The following ADCY2 variants were observed in gnomAD, a reference collection of about 807,000 sequenced individuals.
The protein encoded by ADCY2 is adenylate cyclase type 2.
ADCY2 carries 31 observed loss-of-function variants against 125.2 expected under a neutral mutation model. That is an observed-to-expected ratio of 0.25 (90% CI 0.19 to 0.33). ADCY2 has a LOEUF of 0.33. Among genes scored for constraint, ADCY2 ranks in the 10% least tolerant of loss-of-function variants. ADCY2 has a pLI of 1.00. For synonymous variants in ADCY2, 512 were observed against 548.4 expected (o/e 0.93, Z 0.93); for missense variants, 904 against 1,418.2 (o/e 0.64, Z 5.82).
intron 18 of ADCY2, among the ~76,000 whole-genome samples, chr5:7,779,379 T>C (rs952113719): frequency 3.3e-5 from 5 of 152,198 alleles, no homozygotes; most frequent in East Asian, 1.9e-4. Context: ...ATAGACTCCA[T>C]AGAATGTGCA....
intron 3 of ADCY2, among the ~76,000 whole-genome samples, chr5:7,584,903 A>G (rs1034263142): frequency 2.0e-5 from 3 of 152,216 alleles, no homozygotes; most frequent in Non-Finnish European, 4.4e-5. Flanking sequence ...TACCTTCACT[A>G]TTGAAAGTGA....
intron 3 of ADCY2, among the ~76,000 whole-genome samples, chr5:7,625,540 T>C (rs1738090288): frequency 6.6e-6 from 1 of 152,228 alleles, no homozygotes; most frequent in South Asian, 2.1e-4. Context: ...ATGAATTGTT[T>C]TTATCATGAA....
At chr5:7,631,835 T>C (rs1322386533) in intron 4 of ADCY2, among the ~76,000 whole-genome samples, 1 of 152,198 alleles carries the variant, frequency 6.6e-6, no homozygotes, top group African/African-American at 2.4e-5. Flanking sequence ...CAGCTTTGTC[T>C]GCTTGGACAT....
intron 3 of ADCY2, among the ~76,000 whole-genome samples, chr5:7,587,885 C>A (rs1736684582): frequency 6.6e-6 from 1 of 152,136 alleles, no homozygotes; most frequent in Non-Finnish European, 1.5e-5. Context: ...GCTGATGTCT[C>A]TTCTTCTACT....
At chr5:7,405,957 T>C (rs1160695128) in intron 1 of ADCY2, among the ~76,000 whole-genome samples, 1 of 152,074 alleles carries the variant, frequency 6.6e-6, no homozygotes, top group African/African-American at 2.4e-5. Flanking sequence ...CTCCCTGGGC[T>C]CAAGTTATCC....
At chr5:7,751,987 C>T (rs543958338) in intron 15 of ADCY2, among the ~76,000 whole-genome samples, 1 of 152,162 alleles carries the variant, frequency 6.6e-6, no homozygotes, top group South Asian at 2.1e-4. Flanking sequence ...CTATACTGGC[C>T]TCTGGGAAAA....
intron 10 of ADCY2, among the ~76,000 whole-genome samples, chr5:7,712,496 A>G (rs776918338): frequency 2.0e-5 from 3 of 152,212 alleles, no homozygotes; most frequent in African/African-American, 7.2e-5. Context: ...GTCTGATACC[A>G]AAGTCCATTT....
intron 10 of ADCY2, among the ~76,000 whole-genome samples, chr5:7,710,623 G>T (rs910875086): frequency 6.6e-6 from 1 of 152,196 alleles, no homozygotes; most frequent in African/African-American, 2.4e-5. Context: ...AGAGGAAGCT[G>T]CTGTGGCTGG....
intron 3 of ADCY2, among the ~76,000 whole-genome samples, chr5:7,543,106 A>G (rs1426438212): frequency 1.3e-5 from 2 of 152,242 alleles, no homozygotes; most frequent in African/African-American, 4.8e-5. Flanking sequence ...ATATGATAAG[A>G]TGATAAAAGT....
chr5:7,494,278 C>T (rs1390102983), intron 2 of ADCY2, among the ~76,000 whole-genome samples: 1 of 152,098 alleles, frequency 6.6e-6, no homozygotes, highest in Non-Finnish European at 1.5e-5. Flanking sequence ...CTTACTAAAA[C>T]TCCAGTGTGG....
intron 4 of ADCY2, among the ~76,000 whole-genome samples, chr5:7,688,770 T>C (rs1390382909): frequency 6.6e-6 from 1 of 152,190 alleles, no homozygotes; most frequent in African/African-American, 2.4e-5. Flanking sequence ...GCTCAGGACC[T>C]GCAGAAATGG....
chr5:7,456,040 GAT>G (rs1259599946), intron 2 of ADCY2, among the ~76,000 whole-genome samples: 1 of 151,272 alleles, frequency 6.6e-6, no homozygotes, highest in East Asian at 1.9e-4. Context: ...GAGGCCTTGA[GAT>G]AAACTATTTT....
At chr5:7,752,894 C>CTTTTTTT (rs11319936) in intron 15 of ADCY2, among the ~76,000 whole-genome samples, 2 of 94,386 alleles carry the variant, frequency 2.1e-5, no homozygotes, top group Non-Finnish European at 2.1e-5. Context: ...TAGGATTTTC[C>CTTTTTTT]TTTTTTTTTT....
chr5:7,747,998 AC>A (rs1206469050), intron 15 of ADCY2, among the ~76,000 whole-genome samples: 1 of 152,184 alleles, frequency 6.6e-6, no homozygotes, highest in Non-Finnish European at 1.5e-5. Flanking sequence ...AATCCAGCTC[AC>A]AGTCATGGCA....
At chr5:7,688,745 CTCACTGTAG>C (rs1371753736) in intron 4 of ADCY2, among the ~76,000 whole-genome samples, 2 of 152,202 alleles carry the variant, frequency 1.3e-5, no homozygotes, top group Non-Finnish European at 2.9e-5. Context: ...CACAGGGTGC[CTCACTGTAG>C]TGTACGCTCA....
intron 4 of ADCY2, among the ~76,000 whole-genome samples, chr5:7,658,368 T>G (rs2126689784): frequency 6.6e-6 from 1 of 151,776 alleles, no homozygotes; most frequent in African/African-American, 2.4e-5. Context: ...TTCTATAAGT[T>G]TTTGTTTCTC....
In ADCY2 at chr5:7,825,200, C is replaced by T. The variant is rs1023249580; in HGVS notation, c.3124-1519C>T. On this transcript the variant is annotated intron_variant, in intron 24 of 24. Transcript: ENST00000338316. ...TGTGCGCCACGACAACGCTGCTGTG[C>T]GCCACGACAACGCTGCTGTGCGCCA... Among the ~76,000 whole-genome samples, 14 of 150,892 alleles carry T rather than the reference C, an allele frequency of 9.3e-5. 2 individuals are homozygous for T. Among genetic ancestry groups the T allele is most frequent in the Admixed American group, 3.3e-4 (5 of 15,144 alleles).
chr5:7,492,758 T>C (rs1425394108), intron 2 of ADCY2, among the ~76,000 whole-genome samples: 1 of 151,770 alleles, frequency 6.6e-6, no homozygotes, highest in Non-Finnish European at 1.5e-5. Flanking sequence ...GCTTGCAGAG[T>C]CCAGTTTGGG....
chr5:7,635,769 A>G (rs893029125), intron 4 of ADCY2, among the ~76,000 whole-genome samples: 2 of 152,224 alleles, frequency 1.3e-5, no homozygotes, highest in African/African-American at 4.8e-5. Flanking sequence ...TTGAGCAGGA[A>G]TAGAGGAAGA....
Sources: allele counts gnomAD v4.1 joint callset (sites outside exome capture counted in the v4.1 genomes callset), GRCh38; gene constraint gnomAD v4.1.1; transcripts MANE v1.5; gene names NCBI Gene and HGNC (gene_info 2026-07-23, HGNC 2026-07-21).